The following SIDT1 variants were observed in gnomAD, a reference collection of about 807,000 sequenced individuals.
SIDT1 encodes SID1 transmembrane family, member 1.
In SIDT1, 101 loss-of-function variants were observed where a neutral mutation model predicts 107.5. That is an observed-to-expected ratio of 0.94 (90% CI 0.80 to 1.11). The LOEUF (loss-of-function observed/expected upper bound fraction) is 1.11. SIDT1 is among the 50% of genes least tolerant of loss of function. The pLI is 0.00. For synonymous variants in SIDT1, 395 were observed against 398.2 expected, an observed-to-expected ratio of 0.99 and a Z score of 0.10; for missense variants, 1,076 against 1,058.2, an observed-to-expected ratio of 1.02 and a Z score of -0.23.
At chr3:113,584,575 A>G in intron 7 of SIDT1, 123 bp from the exon 8 acceptor site, 2 of 663,558 alleles carry the variant, frequency 3.0e-6, no homozygotes, top group Non-Finnish European at 5.1e-6. Flanking sequence ...TTCTTGCTAA[A>G]ATAAGATTCA....
At chr3:113,566,649 G>C in intron 2 of SIDT1, 108 bp downstream of exon 2, 1 of 1,280,452 alleles carries the variant, frequency 7.8e-7, no homozygotes, top group Non-Finnish European at 1.1e-6. Flanking sequence ...CATTTGGAAT[G>C]TCAAGACATT....
intron 23 of SIDT1, among the ~76,000 whole-genome samples, chr3:113,624,916 A>G (rs1466675021): frequency 1.3e-5 from 2 of 152,094 alleles, no homozygotes; most frequent in Non-Finnish European, 2.9e-5. Context: ...TTGTAGGTGT[A>G]TGTACATTGT....
intron 5 of SIDT1, 102 bp from the exon 6 acceptor site, chr3:113,581,259 G>T (rs1943314267): frequency 2.1e-6 from 2 of 930,880 alleles, no homozygotes; most frequent in Admixed American, 3.7e-5. Flanking sequence ...AGGATCCCCT[G>T]CTCTGTGATC....
rs200753272 is a variant in SIDT1, at chr3:113,608,081, C to T, written c.1479-13C>T. 2.5e-6 allele frequency: 4 copies of T among 1,573,388 alleles called. No individual in the cohort carries two copies. Among genetic ancestry groups the T allele is most frequent in the South Asian group, 2.4e-5 (2 of 83,628 alleles). ...GTCTTGACTCTCTCATGGTCTCTCA[C>T]TCATCCCTGTAGTGCCTTCAACAAC... is the stretch of plus-strand genomic sequence containing the variant. On this transcript the variant is annotated splice_polypyrimidine_tract_variant and intron_variant, in intron 15 of 24. Coordinates refer to ENST00000264852, the MANE Select transcript of SIDT1 (RefSeq NM_017699.3).
chr3:113,562,680 A>T (rs1048830561), intron 1 of SIDT1, among the ~76,000 whole-genome samples: 2 of 152,210 alleles, frequency 1.3e-5, no homozygotes, highest in Non-Finnish European at 2.9e-5. Flanking sequence ...AAATAAGGTT[A>T]GTGGTTTCCA....
chr3:113,593,812 C>A (rs951471182), intron 10 of SIDT1, among the ~76,000 whole-genome samples: 1 of 152,140 alleles, frequency 6.6e-6, no homozygotes. Context: ...TTGACCCTAG[C>A]AAGTATAATA....
At position 113,611,291 on chromosome 3, in the gene SIDT1, G is replaced by T. The variant is rs1045072471; in HGVS notation, c.1857+147G>T. The T allele has an allele frequency of 7.2e-6, 7 of 976,196 alleles. No homozygotes were observed. The Admixed American group carries it at 1.8e-4, about 25-fold the overall frequency. 60.5% of individuals were successfully genotyped at this position (976,196 alleles called of 1,614,324 possible). ...ATCTCATGACACAATTTCATCTCAT[G>T]ACACACTTTCATCATTGGCCCACTC... is the stretch of plus-strand genomic sequence containing the variant. On this transcript the variant is annotated intron_variant, in intron 18 of 24. Coordinates refer to ENST00000264852, the MANE Select transcript of SIDT1 (RefSeq NM_017699.3).
intron 1 of SIDT1, among the ~76,000 whole-genome samples, chr3:113,548,377 T>C (rs1215229862): frequency 1.3e-5 from 2 of 152,160 alleles, no homozygotes; most frequent in Non-Finnish European, 2.9e-5. Flanking sequence ...CTGTGTTCCA[T>C]TAATTCATCC....
chr3:113,571,115 A>G (rs892529114), intron 3 of SIDT1, among the ~76,000 whole-genome samples: 7 of 152,182 alleles, frequency 4.6e-5, no homozygotes, highest in Non-Finnish European at 1.0e-4. Context: ...ATTCCATGAA[A>G]CATTTATTTA....
intron 1 of SIDT1, among the ~76,000 whole-genome samples, chr3:113,533,672 T>A (rs1180431093): frequency 6.6e-6 from 1 of 152,190 alleles, no homozygotes; most frequent in East Asian, 1.9e-4. Flanking sequence ...TTCTATTTCA[T>A]AGCGCATGGG....
chr3:113,583,938 A>G (rs185629226), intron 7 of SIDT1, among the ~76,000 whole-genome samples: 8 of 152,322 alleles, frequency 5.3e-5, no homozygotes, highest in Admixed American at 3.3e-4. Context: ...TCTGCATCTC[A>G]GTTGCCAAAA....
intron 15 of SIDT1, among the ~76,000 whole-genome samples, 153 bp downstream of exon 15, chr3:113,607,267 A>G (rs1945403453): frequency 6.6e-6 from 1 of 152,188 alleles, no homozygotes; most frequent in Non-Finnish European, 1.5e-5. Flanking sequence ...GAGACCAGGT[A>G]TGCTCCTCCC....
chr3:113,595,501 C>T (rs1020579667), intron 10 of SIDT1, among the ~76,000 whole-genome samples: 4 of 151,964 alleles, frequency 2.6e-5, no homozygotes, highest in African/African-American at 9.7e-5. Flanking sequence ...ATCGCTTGAG[C>T]CCAGGATGTT....
At chr3:113,569,195 C>A (rs930314356) in intron 3 of SIDT1, among the ~76,000 whole-genome samples, 9 of 149,040 alleles carry the variant, frequency 6.0e-5, no homozygotes, top group Admixed American at 5.3e-4. Flanking sequence ...CTATTTTATT[C>A]CATTTATATA....
intron 24 of SIDT1, among the ~76,000 whole-genome samples, chr3:113,626,916 G>A (rs1946893950): frequency 2.6e-5 from 4 of 152,078 alleles, no homozygotes; most frequent in South Asian, 2.1e-4. Flanking sequence ...CACGCAAAGC[G>A]GGCTCAGGCA....
At chr3:113,584,293 A>G (rs1180241013) in intron 7 of SIDT1, among the ~76,000 whole-genome samples, 1 of 152,222 alleles carries the variant, frequency 6.6e-6, no homozygotes, top group Non-Finnish European at 1.5e-5. Flanking sequence ...TCATGACTAT[A>G]TAAGAGGGAA....
intron 1 of SIDT1, among the ~76,000 whole-genome samples, chr3:113,548,356 C>T (rs1378982991): frequency 6.6e-6 from 1 of 152,140 alleles, no homozygotes; most frequent in Non-Finnish European, 1.5e-5. Context: ...GTTTCACCCT[C>T]TGAAAATAGT....
intron 7 of SIDT1, among the ~76,000 whole-genome samples, chr3:113,584,174 G>T (rs1436071853): frequency 6.6e-6 from 1 of 152,160 alleles, no homozygotes; most frequent in East Asian, 1.9e-4. Flanking sequence ...TCATTTCCTT[G>T]ATATTAATGT....
At chr3:113,543,864 TC>T (rs1275051728) in intron 1 of SIDT1, among the ~76,000 whole-genome samples, 2 of 152,224 alleles carry the variant, frequency 1.3e-5, no homozygotes, top group East Asian at 3.8e-4. Context: ...AATTATTTTT[TC>T]CTGAAACAAT....
Sources: allele counts gnomAD v4.1 joint callset (sites outside exome capture counted in the v4.1 genomes callset), GRCh38; gene constraint gnomAD v4.1.1; transcripts MANE v1.5; gene names NCBI Gene and HGNC (gene_info 2026-07-23, HGNC 2026-07-21).